Variants in ZMYND11 observed in about 807,000 individuals in gnomAD.
ZMYND11 encodes zinc finger MYND-type containing 11, also known as zinc finger MYND domain-containing protein 11.
Under a neutral mutation model 84.9 loss-of-function variants are expected in ZMYND11, and 9 were observed. The ratio of observed to expected loss-of-function variants is 0.11; its 90% CI spans 0.06 to 0.18. The LOEUF is 0.18. ZMYND11 is among the 10% of genes least tolerant of loss of function. The pLI, the probability that ZMYND11 is intolerant of heterozygous loss-of-function variation, is 1.00. For synonymous variants in ZMYND11, 250 were observed against 244.1 expected (o/e 1.02, Z -0.23); for missense variants, 409 against 761.0 (o/e 0.54, Z 5.44).
chr10:248,564 C>T lies in ZMYND11; in HGVS notation c.1456C>T (p.His486Tyr), dbSNP rs964671911. Residue 486 changes from histidine to tyrosine, a missense_variant, in exon 13 of 15, where the codon CAC becomes TAC. By Grantham distance (83) the His-to-Tyr change is moderately conservative. Around this residue, in one of 7 missense-constraint regions of ZMYND11, gnomAD observed 141 missense variants for 173.8 expected, o/e 0.81. Coordinates refer to ENST00000381604, the MANE Select transcript of ZMYND11 (RefSeq NM_001370100.5). ...NDFKDRMKSDHKRETERVVRE... is the reference protein window; with the variant it reads ...NDFKDRMKSDYKRETERVVRE... ...CTTCAAAGACCGGATGAAGTCGGAC[C>T]ACAAGCGGGAGACAGAGCGTGTTGT... 2.4e-5 allele frequency: 39 copies of T among 1,613,186 alleles called. No homozygotes were observed. The highest frequency in any genetic ancestry group is 5.3e-5 in the African/African-American group (4 of 74,906).
chr10:153,705 C>T (rs1435482547), intron 1 of ZMYND11, among the ~76,000 whole-genome samples: 1 of 152,124 alleles, frequency 6.6e-6, no homozygotes. Flanking sequence ...GACCTGTTGT[C>T]CTAGGGGAAA....
rs187526927 is a variant in ZMYND11, at chr10:210,410, A to C, written c.276+362A>C. On this transcript the variant is annotated intron_variant, in intron 3 of 14. Coordinates refer to ENST00000381604, the MANE Select transcript of ZMYND11 (RefSeq NM_001370100.5). ...ATGCCATCTAGACAGATAGAAGGGG[A>C]TGAACCGTCTTCCTAGGGAAACAGC... is the stretch of plus-strand genomic sequence containing the variant. 5.3e-5 allele frequency among the ~76,000 whole-genome samples: 8 copies of C among 152,354 alleles called. No homozygotes were observed. In the East Asian group the frequency reaches 1.5e-3, roughly 29 times the overall value.
intron 2 of ZMYND11, among the ~76,000 whole-genome samples, chr10:180,528 T>C (rs1050285044): frequency 6.6e-6 from 1 of 152,220 alleles, no homozygotes; most frequent in African/African-American, 2.4e-5. Flanking sequence ...GCCTCCCAAG[T>C]AGCTGGGATT....
chr10:232,286 T>C (rs997164157), intron 4 of ZMYND11, among the ~76,000 whole-genome samples: 9 of 152,224 alleles, frequency 5.9e-5, no homozygotes, highest in African/African-American at 1.9e-4. Context: ...CTTGTTACCT[T>C]AGAAATCCCC....
chr10:233,365 C>T (rs572552332), intron 4 of ZMYND11, among the ~76,000 whole-genome samples: 7 of 152,300 alleles, frequency 4.6e-5, no homozygotes, highest in South Asian at 4.1e-4. Flanking sequence ...CCCACTCCCA[C>T]GCCCTCTCCC....
intron 4 of ZMYND11, among the ~76,000 whole-genome samples, chr10:223,091 A>T (rs553001577): frequency 6.7e-6 from 1 of 150,090 alleles, no homozygotes; most frequent in Non-Finnish European, 1.5e-5. Flanking sequence ...GGGCAGTGGC[A>T]TGATCTCGGC....
At chr10:243,448 A>G (rs888156175) in intron 10 of ZMYND11, among the ~76,000 whole-genome samples, 3 of 152,204 alleles carry the variant, frequency 2.0e-5, no homozygotes, top group South Asian at 4.1e-4. Context: ...CTTTTTATCT[A>G]TATATTTTTC....
At chr10:196,002 G>T (rs763480758) in intron 2 of ZMYND11, among the ~76,000 whole-genome samples, 6 of 152,170 alleles carry the variant, frequency 3.9e-5, no homozygotes, top group Non-Finnish European at 8.8e-5. Flanking sequence ...TAATTGTTCT[G>T]CATTGTCTAA....
chr10:249,391 A>G, intron 14 of ZMYND11: 1 of 1,099,594 alleles, frequency 9.1e-7, no homozygotes, highest in South Asian at 3.4e-5. Context: ...TATTTGGGCA[A>G]AGTGGCTGGC....
chr10:141,339 CT>C (rs1837449391), intron 1 of ZMYND11, among the ~76,000 whole-genome samples: 1 of 152,118 alleles, frequency 6.6e-6, no homozygotes, highest in Non-Finnish European at 1.5e-5. Context: ...AGGGAGGGTT[CT>C]TGCCATTGTA....
chr10:169,810 A>G (rs1564308073), intron 1 of ZMYND11, among the ~76,000 whole-genome samples: 5 of 152,156 alleles, frequency 3.3e-5, no homozygotes. Flanking sequence ...CAGGAAAGCT[A>G]TGAAAGATGT....
At chr10:178,125 T>C (rs1348751914) in intron 1 of ZMYND11, among the ~76,000 whole-genome samples, 1 of 152,248 alleles carries the variant, frequency 6.6e-6, no homozygotes, top group Non-Finnish European at 1.5e-5. Flanking sequence ...CGAGAAGTAG[T>C]GTCTCCCTTG....
At chr10:244,695 A>G (rs1951762307) in intron 10 of ZMYND11, 1 of 152,288 alleles carries the variant, frequency 6.6e-6, no homozygotes, top group Non-Finnish European at 1.5e-5. Flanking sequence ...ATTGGCAGAC[A>G]TAGAGCCAGA....
At chr10:236,810 CCTT>C (rs1224636160) in intron 4 of ZMYND11, 25 bp from the exon 5 acceptor site, 12 of 1,579,328 alleles carry the variant, frequency 7.6e-6, no homozygotes, top group African/African-American at 1.4e-5. Flanking sequence ...AGATTTTGTA[CCTT>C]TTTTTATTCT....
chr10:219,347 G>A (rs1375470358), intron 3 of ZMYND11, among the ~76,000 whole-genome samples: 1 of 152,142 alleles, frequency 6.6e-6, no homozygotes, highest in South Asian at 2.1e-4. Context: ...AAAAATTCAA[G>A]TGATGAATGA....
Position 246,877 on chromosome 10 carries a change from G to A in ZMYND11, c.1062G>A (p.Gln354=), listed in dbSNP as rs781283746. 2 of 1,614,098 alleles carry A rather than the reference G, an allele frequency of 1.2e-6. No individual in the cohort carries two copies. Among genetic ancestry groups the A allele is most frequent in the East Asian group, 2.2e-5 (1 of 44,882 alleles). ...CCTGTGATGAGCTGGAGCTGCATCA[G>A]CGTTTCCTACGAGAAGGGAGATTTT... The part of the protein sequence containing the change: ...KKACDELELH[Q]RFLREGRFWK... The change falls in exon 11 of 15, where the codon CAG becomes CAA. Residue 354 remains glutamine, a synonymous_variant. Transcript: ENST00000381604.
upstream of ZMYND11, among the ~76,000 whole-genome samples, chr10:133,844 C>A (rs561039372): frequency 2.9e-4 from 44 of 152,258 alleles, no homozygotes; most frequent in South Asian, 5.0e-3. Flanking sequence ...TTGAGATAAT[C>A]AAAAACTCTC....
chr10:149,074 TAGGG>T lies in ZMYND11; in HGVS notation c.-20+13521_-20+13524del, dbSNP rs367685329. Reference sequence around the variant, plus strand: ...TGGTTACCCTAAACATTGTAAATAATAGGGAGGGAAGAGGATCCGATGTCTGACT... The same window carrying T: ...TGGTTACCCTAAACATTGTAAATAATAGGGAAGAGGATCCGATGTCTGACT... On this transcript the variant is annotated intron_variant, in intron 1 of 14. Transcript: ENST00000381604. 6.7e-3 allele frequency among the ~76,000 whole-genome samples: 1,022 copies of T among 152,128 alleles called. 13 individuals are homozygous for T. The highest frequency in any genetic ancestry group is 0.022 in the African/African-American group (909 of 41,518).
At chr10:141,363 C>G (rs919064586) in intron 1 of ZMYND11, among the ~76,000 whole-genome samples, 6 of 152,114 alleles carry the variant, frequency 3.9e-5, no homozygotes, top group African/African-American at 1.4e-4. Flanking sequence ...GTTTTCAGTT[C>G]AGAGTAACAC....
Sources: gnomAD v4.1 joint callset for allele counts (sites outside exome capture counted in the v4.1 genomes callset) on GRCh38, gnomAD v4.1.1 for gene constraint, gnomAD v4.1.1 regional missense constraint, MANE v1.5 for transcripts, NCBI Gene and HGNC (gene_info 2026-07-23, HGNC 2026-07-21) for gene names.